The following TANC2 variants were observed in gnomAD, a reference collection of about 807,000 sequenced individuals.
The protein encoded by TANC2 is tetratricopeptide repeat, ankyrin repeat and coiled-coil containing 2, also known as protein TANC2.
TANC2 carries 26 observed loss-of-function variants against 210.5 expected under a neutral mutation model. That is an observed-to-expected ratio of 0.12 (90% CI 0.09 to 0.17). The LOEUF (loss-of-function observed/expected upper bound fraction) is 0.17, where lower values mean the gene tolerates loss of function less well. TANC2 is among the 10% of genes least tolerant of loss of function. The probability of loss-of-function intolerance (pLI) is 1.00; values close to 1 mark genes in which losing one functional copy is unlikely to be tolerated. For missense variants in TANC2, 2,129 were observed against 2,608.9 expected (o/e 0.82, Z 4.01); for synonymous variants, 931 against 967.1 (o/e 0.96, Z 0.69).
chr17:63,423,740 A>G (rs1268731376), exon 28 of TANC2: 1 of 152,218 alleles, frequency 6.6e-6, no homozygotes, highest in Non-Finnish European at 1.5e-5. Flanking sequence ...CCCCAAACCT[A>G]AAACAGGCCA....
intron 4 of TANC2, chr17:63,149,847 C>T (rs1353213298): frequency 6.6e-6 from 1 of 152,098 alleles, no homozygotes; most frequent in African/African-American, 2.4e-5. Context: ...TTGCTTTTGA[C>T]AGAACCATAC....
chr17:63,226,051 A>AG (rs1251287183), intron 7 of TANC2, among the ~76,000 whole-genome samples: 1 of 152,230 alleles, frequency 6.6e-6, no homozygotes, highest in African/African-American at 2.4e-5. Flanking sequence ...GACTTGCACT[A>AG]GATCTTATCA....
chr17:63,063,535 T>C (rs995254893), intron 2 of TANC2, among the ~76,000 whole-genome samples: 3 of 83,364 alleles, frequency 3.6e-5, no homozygotes, highest in African/African-American at 1.8e-4. Context: ...CAAAGACGTG[T>C]GTGTGTGTGT....
intron 2 of TANC2, among the ~76,000 whole-genome samples, chr17:63,057,552 A>T (rs2035849811): frequency 6.6e-6 from 1 of 151,930 alleles, no homozygotes; most frequent in South Asian, 2.1e-4. Context: ...TAGCTAATAG[A>T]TATATTTTTT....
chr17:63,266,496 C>CAAACCAG (rs2043532320), intron 8 of TANC2, among the ~76,000 whole-genome samples: 2 of 152,090 alleles, frequency 1.3e-5, no homozygotes, highest in Non-Finnish European at 2.9e-5. Flanking sequence ...TGTCATAATT[C>CAAACCAG]TTGTTTCCTT....
At chr17:62,985,443 A>G (rs2032521024) in intron 1 of TANC2, among the ~76,000 whole-genome samples, 1 of 152,044 alleles carries the variant, frequency 6.6e-6, no homozygotes, top group South Asian at 2.1e-4. Context: ...TTCAGCTACT[A>G]TTTCATGAAA....
chr17:63,027,763 T>C (rs1479438356), intron 2 of TANC2, among the ~76,000 whole-genome samples: 3 of 152,116 alleles, frequency 2.0e-5, no homozygotes, highest in African/African-American at 4.8e-5. Context: ...AAAATTGGTA[T>C]GATACAGCAA....
intron 14 of TANC2, among the ~76,000 whole-genome samples, chr17:63,366,639 A>G (rs149719059): frequency 6.6e-6 from 1 of 152,358 alleles, no homozygotes; most frequent in African/African-American, 2.4e-5. Context: ...AAGTGGGAGA[A>G]AGCAGCAAAT....
At chr17:63,135,789 T>C (rs972770950) in intron 4 of TANC2, among the ~76,000 whole-genome samples, 3 of 152,180 alleles carry the variant, frequency 2.0e-5, no homozygotes, top group Non-Finnish European at 4.4e-5. Flanking sequence ...AATCACGTAT[T>C]AGCCAATATA....
intron 1 of TANC2, among the ~76,000 whole-genome samples, chr17:62,995,807 A>T (rs1016421960): frequency 6.6e-6 from 1 of 152,236 alleles, no homozygotes; most frequent in Non-Finnish European, 1.5e-5. Flanking sequence ...ATTATCAAAG[A>T]TTATCAGCTG....
At chr17:63,328,949 A>G (rs192863641) in intron 11 of TANC2, among the ~76,000 whole-genome samples, 3 of 152,182 alleles carry the variant, frequency 2.0e-5, no homozygotes, top group Non-Finnish European at 2.9e-5. Flanking sequence ...AAAATCTACC[A>G]CTTGTCAACT....
intron 2 of TANC2, among the ~76,000 whole-genome samples, chr17:63,037,586 G>A (rs2035023200): frequency 6.6e-6 from 1 of 152,068 alleles, no homozygotes; most frequent in Admixed American, 6.5e-5. Context: ...GGCTGAGGCA[G>A]GCGGATTACC....
At chr17:63,255,137 C>T (rs567685964) in intron 8 of TANC2, among the ~76,000 whole-genome samples, 8 of 151,706 alleles carry the variant, frequency 5.3e-5, no homozygotes, top group African/African-American at 1.9e-4. Context: ...CGAAGTCTCA[C>T]TCTGTCCCCC....
At chr17:63,081,637 T>G (rs1022003509) in intron 3 of TANC2, among the ~76,000 whole-genome samples, 5 of 152,214 alleles carry the variant, frequency 3.3e-5, no homozygotes, top group African/African-American at 1.2e-4. Flanking sequence ...TAACCCATTA[T>G]GTATTCCACT....
chr17:63,011,382 A>G (rs2033867636), intron 2 of TANC2, among the ~76,000 whole-genome samples: 2 of 152,030 alleles, frequency 1.3e-5, no homozygotes, highest in Admixed American at 1.3e-4. Flanking sequence ...AGTTTTGGTG[A>G]ATGTTCTGAA....
At chr17:63,318,391 A>G (rs2045382477) in intron 10 of TANC2, among the ~76,000 whole-genome samples, 2 of 152,232 alleles carry the variant, frequency 1.3e-5, no homozygotes, top group South Asian at 4.1e-4. Context: ...CAGTATTTTT[A>G]GTATAATTCA....
At chr17:63,189,324 A>G (rs1314830806) in intron 5 of TANC2, among the ~76,000 whole-genome samples, 1 of 152,192 alleles carries the variant, frequency 6.6e-6, no homozygotes, top group African/African-American at 2.4e-5. Flanking sequence ...TATGTGTAAC[A>G]TCTTGAGGAA....
At chr17:63,050,255 G>T (rs1052337281) in intron 2 of TANC2, among the ~76,000 whole-genome samples, 3 of 151,954 alleles carry the variant, frequency 2.0e-5, no homozygotes, top group African/African-American at 7.2e-5. Context: ...TACTCAGGAG[G>T]CTGAGGTGGA....
At chr17:63,344,545 G>A (rs2046339433) in intron 12 of TANC2, among the ~76,000 whole-genome samples, 1 of 151,796 alleles carries the variant, frequency 6.6e-6, no homozygotes, top group South Asian at 2.1e-4. Context: ...TGGAAAGGAA[G>A]AAGTAAAACT....
Sources: gnomAD v4.1 joint callset for allele counts (sites outside exome capture counted in the v4.1 genomes callset) on GRCh38, gnomAD v4.1.1 for gene constraint, MANE v1.5 for transcripts, NCBI Gene and HGNC (gene_info 2026-07-23, HGNC 2026-07-21) for gene names.